The following NPHS2 variants were observed in gnomAD, a reference collection of about 807,000 sequenced individuals.
The protein encoded by NPHS2 is podocin.
A neutral mutation model predicts 37.1 loss-of-function variants in NPHS2; 36 were observed. That is an observed-to-expected ratio of 0.97 (90% CI 0.74 to 1.28). The LOEUF is 1.28. Ranked by LOEUF, NPHS2 falls within the 50% of genes most tolerant of loss-of-function variation. The pLI, the probability that NPHS2 is intolerant of heterozygous loss-of-function variation, is 0.00. For synonymous variants in NPHS2, 196 were observed against 189.3 expected, an observed-to-expected ratio of 1.04 and a Z score of -0.29; for missense variants, 447 against 488.1, an observed-to-expected ratio of 0.92 and a Z score of 0.79.
At chr1:179,564,848 G>A (rs1674277597) in intron 1 of NPHS2, 55 bp from the exon 2 acceptor site, 2 of 1,372,530 alleles carry the variant, frequency 1.5e-6, no homozygotes, top group South Asian at 2.4e-5. Context: ...TGTATTCACT[G>A]ACTAGCATCT....
At chr1:179,569,720 C>A (rs931903244) in intron 1 of NPHS2, among the ~76,000 whole-genome samples, 1 of 152,084 alleles carries the variant, frequency 6.6e-6, no homozygotes, top group African/African-American at 2.4e-5. Context: ...TTCAGGAGCC[C>A]TTGTAAGGCA....
chr1:179,575,224 C>G (rs566441977), intron 1 of NPHS2, among the ~76,000 whole-genome samples: 1 of 152,168 alleles, frequency 6.6e-6, no homozygotes, highest in Non-Finnish European at 1.5e-5. Flanking sequence ...CAGCCTACAG[C>G]CACCAGCTCG....
At chr1:179,570,484 C>A (rs895677352) in intron 1 of NPHS2, among the ~76,000 whole-genome samples, 1 of 152,230 alleles carries the variant, frequency 6.6e-6, no homozygotes, top group African/African-American at 2.4e-5. Flanking sequence ...AGGCACAGAT[C>A]GCTCATGCTA....
chr1:179,557,505 T>A (rs1407367837), intron 4 of NPHS2, among the ~76,000 whole-genome samples: 3 of 152,152 alleles, frequency 2.0e-5, no homozygotes, highest in Non-Finnish European at 4.4e-5. Flanking sequence ...CCAAACCAGG[T>A]CTTTCTAAAC....
intron 2 of NPHS2, among the ~76,000 whole-genome samples, chr1:179,563,063 A>G (rs944620097): frequency 6.6e-6 from 1 of 152,186 alleles, no homozygotes; most frequent in Admixed American, 6.5e-5. Context: ...TGCCAACTAT[A>G]CACTGTCTAT....
intron 7 of NPHS2, chr1:179,551,697 T>G: frequency 1.9e-6 from 1 of 514,976 alleles, no homozygotes; most frequent in Non-Finnish European, 3.5e-6. Context: ...TTAGGGGAGT[T>G]ATTAGCATCT....
chr1:179,575,320 G>T (rs1674714823), intron 1 of NPHS2, among the ~76,000 whole-genome samples: 1 of 151,972 alleles, frequency 6.6e-6, no homozygotes, highest in Admixed American at 6.6e-5. Flanking sequence ...AAGTTGCTTC[G>T]TCCCCAACCT....
At chr1:179,552,481 A>G (rs1036984716) in intron 7 of NPHS2, 122 bp downstream of exon 7, 2 of 764,346 alleles carry the variant, frequency 2.6e-6, no homozygotes, top group African/African-American at 3.4e-5. Context: ...ATAGAGTTGT[A>G]AGGGCCCAAG....
intron 6 of NPHS2, 73 bp from the exon 7 acceptor site, chr1:179,552,754 C>A (rs752112834): frequency 2.6e-6 from 3 of 1,160,126 alleles, no homozygotes; most frequent in Non-Finnish European, 3.8e-6. Flanking sequence ...CACAGACTTG[C>A]AAGCCTCTCT....
In NPHS2 at chr1:179,557,041, C is replaced by T. The variant is rs201355305; in HGVS notation, c.724G>A (p.Ala242Thr). The T allele has an allele frequency of 1.5e-5, 25 of 1,613,372 alleles. No homozygotes were observed. In the East Asian group the frequency reaches 2.0e-4, roughly 13 times the overall value. The change falls in exon 5 of 8, where the codon GCC becomes ACC. Residue 242 changes from alanine to threonine, a missense_variant. Physicochemically the swap from Ala to Thr is moderately conservative, Grantham distance 58. Transcript: ENST00000367615. ...TEILLERKSI[A>T]QDAKVALDSV... ...TATCTAAGTACCTTTGCATCTTGGG[C>T]GATGCTCTTCCTCTCTAGAAGAATT...
chr1:179,570,057 T>G (rs951666312), intron 1 of NPHS2, among the ~76,000 whole-genome samples: 14 of 152,222 alleles, frequency 9.2e-5, no homozygotes, highest in Non-Finnish European at 1.5e-4. Context: ...CTTTGTGGTG[T>G]TCTCTGTATT....
At chr1:179,566,951 T>C (rs559458782) in intron 1 of NPHS2, among the ~76,000 whole-genome samples, 1 of 152,352 alleles carries the variant, frequency 6.6e-6, no homozygotes, top group Non-Finnish European at 1.5e-5. Flanking sequence ...AATACCATGC[T>C]GTTTTGGTTA....
chr1:179,554,406 G>A (rs1211703134), intron 6 of NPHS2, 70 bp downstream of exon 6: 2 of 1,597,838 alleles, frequency 1.3e-6, no homozygotes, highest in Non-Finnish European at 8.6e-7. Flanking sequence ...TTTTTCAAAT[G>A]AAAAATTTAA....
At position 179,575,544 on chromosome 1, in the gene NPHS2, T is replaced by C; in HGVS notation, c.274+47A>G. The C allele has an allele frequency of 1.9e-6, 3 of 1,598,428 alleles. No individual in the cohort carries two copies. In the African/African-American group the frequency reaches 4.0e-5, roughly 21 times the overall value. ...CCCTTTCCACCTTATCTGACGCCCC[T>C]TAGTTACCACCTGGAAAAGTAGCAG... On this transcript the variant is annotated intron_variant, in intron 1 of 7. Coordinates refer to ENST00000367615, the MANE Select transcript of NPHS2 (RefSeq NM_014625.4).
At position 179,550,646 on chromosome 1, in the gene NPHS2, CAG is replaced by C. The variant is rs1207883642; in HGVS notation, c.*525_*526del. On this transcript the variant is annotated 3_prime_UTR_variant, in exon 8 of 8. Transcript: ENST00000367615. ...TTTAAGTGTCACTTTAGGTAACTAT[CAG>C]GGTTAGGTGTGAGGAATTCAGGGTG... is the stretch of plus-strand genomic sequence containing the variant. 2 of 159,518 alleles carry C rather than the reference CAG, an allele frequency of 1.3e-5. No homozygotes were observed. The highest frequency in any genetic ancestry group is 4.8e-5 in the African/African-American group (2 of 41,518). 9.9% of individuals were successfully genotyped at this position (159,518 alleles called of 1,614,324 possible).
At chr1:179,563,563 T>C (rs1314073493) in intron 2 of NPHS2, among the ~76,000 whole-genome samples, 1 of 152,202 alleles carries the variant, frequency 6.6e-6, no homozygotes, top group African/African-American at 2.4e-5. Flanking sequence ...GATAATATGC[T>C]AGGCCATAAA....
At chr1:179,558,103 C>T (rs1166772392) in intron 4 of NPHS2, among the ~76,000 whole-genome samples, 3 of 152,068 alleles carry the variant, frequency 2.0e-5, no homozygotes, top group Admixed American at 6.6e-5. Flanking sequence ...ACCATCTTAA[C>T]CATTTTTAAG....
chr1:179,565,749 G>A (rs1558349785), intron 1 of NPHS2, among the ~76,000 whole-genome samples: 1 of 148,274 alleles, frequency 6.7e-6, no homozygotes, highest in Admixed American at 6.8e-5. Flanking sequence ...AGGCCCCAGT[G>A]TGTGATGTTC....
intron 2 of NPHS2, among the ~76,000 whole-genome samples, chr1:179,562,071 T>G (rs2125788325): frequency 6.6e-6 from 1 of 152,336 alleles, no homozygotes; most frequent in Non-Finnish European, 1.5e-5. Context: ...CCTCCCAAAG[T>G]GCTGGGATTA....
Sources: allele counts gnomAD v4.1 joint callset (sites outside exome capture counted in the v4.1 genomes callset), GRCh38; gene constraint gnomAD v4.1.1; transcripts MANE v1.5; gene names NCBI Gene and HGNC (gene_info 2026-07-23, HGNC 2026-07-21).